The following NEDD4L variants were observed in gnomAD, a reference collection of about 807,000 sequenced individuals.
NEDD4L encodes NEDD4 like E3 ubiquitin protein ligase, also known as E3 ubiquitin-protein ligase NEDD4-like.
A neutral mutation model predicts 148.9 loss-of-function variants in NEDD4L; 54 were observed. The ratio of observed to expected loss-of-function variants is 0.36; its 90% CI spans 0.29 to 0.45. The LOEUF (loss-of-function observed/expected upper bound fraction) is 0.45, where lower values mean the gene tolerates loss of function less well. NEDD4L is among the 20% of genes least tolerant of loss of function. The probability of loss-of-function intolerance (pLI) is 1.00; values close to 1 mark genes in which losing one functional copy is unlikely to be tolerated. For missense variants in NEDD4L, 856 were observed against 1,233.8 expected (o/e 0.69, Z 4.59); for synonymous variants, 433 against 440.7 (o/e 0.98, Z 0.22).
chr18:58,392,424 C>T (rs1385435123), intron 30 of NEDD4L, among the ~76,000 whole-genome samples: 2 of 152,240 alleles, frequency 1.3e-5, no homozygotes, highest in Admixed American at 6.5e-5. Context: ...AACGCCCTCC[C>T]TTACACTAGA....
intron 5 of NEDD4L, among the ~76,000 whole-genome samples, chr18:58,303,030 G>GA (rs1320528886): frequency 1.3e-5 from 2 of 152,234 alleles, no homozygotes; most frequent in Admixed American, 6.5e-5. Context: ...ATGCAAAAGT[G>GA]AAGTAGACAC....
chr18:58,270,903 A>T (rs185074098), intron 5 of NEDD4L, among the ~76,000 whole-genome samples: 51 of 152,070 alleles, frequency 3.4e-4, no homozygotes, highest in African/African-American at 1.2e-3. Flanking sequence ...CTTTTTAATA[A>T]TGTATATGAT....
chr18:58,364,139 C>T lies in NEDD4L; in HGVS notation c.1768-129C>T, dbSNP rs76121988. Reference sequence around the variant, plus strand: ...GCTGTGTAGACATTATCTAATTTTTCCATGGATAATCTGAGAAGTGAGAAT... The same window carrying T: ...GCTGTGTAGACATTATCTAATTTTTTCATGGATAATCTGAGAAGTGAGAAT... On this transcript the variant is annotated intron_variant, in intron 19 of 30. Coordinates refer to ENST00000400345, the MANE Select transcript of NEDD4L (RefSeq NM_001144967.3). 1.8e-3 allele frequency: 1,216 copies of T among 667,020 alleles called. 5 individuals are homozygous for T. Among genetic ancestry groups the T allele is most frequent in the Admixed American group, 3.5e-3 (129 of 36,984 alleles). The allele number at this position is 667,020 out of a possible 1,614,324, so 41.3% of individuals were successfully genotyped here. A position where few individuals can be genotyped will look rare whatever the true frequency, so the allele number is the denominator to read the frequency against.
At chr18:58,335,194 C>CAA (rs1343577135) in intron 12 of NEDD4L, among the ~76,000 whole-genome samples, 3 of 152,162 alleles carry the variant, frequency 2.0e-5, no homozygotes, top group Non-Finnish European at 4.4e-5. Context: ...CAATGGCAGG[C>CAA]AAAACCAGAC....
At chr18:58,307,665 C>T (rs2057224797) in intron 5 of NEDD4L, among the ~76,000 whole-genome samples, 1 of 152,160 alleles carries the variant, frequency 6.6e-6, no homozygotes, top group Non-Finnish European at 1.5e-5. Context: ...TATGAGACAG[C>T]CAGGCAGTGG....
intron 2 of NEDD4L, among the ~76,000 whole-genome samples, chr18:58,216,591 G>A (rs2043177191): frequency 6.6e-6 from 1 of 152,192 alleles, no homozygotes; most frequent in Non-Finnish European, 1.5e-5. Flanking sequence ...TTGACTGGAT[G>A]TGTAAGAGAG....
intron 1 of NEDD4L, among the ~76,000 whole-genome samples, chr18:58,124,612 A>G (rs1319131164): frequency 6.6e-6 from 1 of 152,142 alleles, no homozygotes; most frequent in African/African-American, 2.4e-5. Context: ...TTGAGGACCA[A>G]GATGATTCTC....
intron 27 of NEDD4L, 154 bp from the exon 28 acceptor site, chr18:58,388,931 T>C (rs1210359807): frequency 1.5e-6 from 1 of 659,834 alleles, no homozygotes; most frequent in East Asian, 2.8e-5. Flanking sequence ...AGGTGGAGCC[T>C]GGAACAGGTG....
At chr18:58,354,489 T>C (rs1196202564) in intron 18 of NEDD4L, among the ~76,000 whole-genome samples, 3 of 152,230 alleles carry the variant, frequency 2.0e-5, no homozygotes, top group South Asian at 2.1e-4. Context: ...CTTTCATACA[T>C]TGACCATACT....
intron 2 of NEDD4L, among the ~76,000 whole-genome samples, chr18:58,204,169 A>G (rs1216417341): frequency 6.6e-6 from 1 of 152,300 alleles, no homozygotes; most frequent in East Asian, 1.9e-4. Context: ...CTCTACTAAA[A>G]GTACAAAAAT....
intron 2 of NEDD4L, among the ~76,000 whole-genome samples, chr18:58,199,880 A>G (rs1410144589): frequency 6.6e-6 from 1 of 152,234 alleles, no homozygotes; most frequent in East Asian, 1.9e-4. Context: ...TTAATAATAA[A>G]TCAACCTTGA....
At chr18:58,214,896 C>T (rs1342052323) in intron 2 of NEDD4L, among the ~76,000 whole-genome samples, 1 of 151,048 alleles carries the variant, frequency 6.6e-6, no homozygotes, top group Non-Finnish European at 1.5e-5. Flanking sequence ...ACTGCAACCT[C>T]TGCCTCCCAG....
intron 5 of NEDD4L, among the ~76,000 whole-genome samples, chr18:58,288,495 ATTTTG>A (rs1377768692): frequency 6.6e-6 from 1 of 152,334 alleles, no homozygotes; most frequent in South Asian, 2.1e-4. Context: ...TTATGGGGGA[ATTTTG>A]TTTTGTATAG....
chr18:58,201,689 T>C (rs1245235245), intron 2 of NEDD4L, among the ~76,000 whole-genome samples: 1 of 152,238 alleles, frequency 6.6e-6, no homozygotes, highest in Non-Finnish European at 1.5e-5. Flanking sequence ...TGCCCCCTAA[T>C]AGGTAACTGT....
intron 1 of NEDD4L, among the ~76,000 whole-genome samples, chr18:58,125,669 C>G (rs549946104): frequency 2.0e-5 from 3 of 152,078 alleles, no homozygotes; most frequent in Non-Finnish European, 4.4e-5. Flanking sequence ...ACCGCAAATG[C>G]CAGCCACCTA....
In NEDD4L at chr18:58,377,617, A is replaced by G. The variant is rs975802404; in HGVS notation, c.2352+4348A>G. 5.3e-5 allele frequency among the ~76,000 whole-genome samples: 8 copies of G among 152,164 alleles called. No individual in the cohort carries two copies. In the East Asian group the frequency reaches 1.5e-3, roughly 29 times the overall value. On this transcript the variant is annotated intron_variant, in intron 24 of 30. Coordinates refer to ENST00000400345, the MANE Select transcript of NEDD4L (RefSeq NM_001144967.3). ...GTGCCAAGCAGGAAGAATAAGCCGTACCCCCATTCACTGCTGTGCACACAT... is the reference window on the plus strand; with the variant it reads ...GTGCCAAGCAGGAAGAATAAGCCGTGCCCCCATTCACTGCTGTGCACACAT...
chr18:58,055,264 C>G (rs1350608011), intron 1 of NEDD4L, among the ~76,000 whole-genome samples: 4 of 152,048 alleles, frequency 2.6e-5, no homozygotes, highest in African/African-American at 9.7e-5. Flanking sequence ...CAAGACCAGC[C>G]TGGGCAACAT....
intron 2 of NEDD4L, among the ~76,000 whole-genome samples, chr18:58,208,717 A>G (rs1485233422): frequency 6.6e-6 from 1 of 152,224 alleles, no homozygotes; most frequent in Non-Finnish European, 1.5e-5. Context: ...AGACAAGGTC[A>G]CTTTTTAAAA....
At chr18:58,143,777 C>T (rs958525698) in intron 1 of NEDD4L, among the ~76,000 whole-genome samples, 1 of 152,102 alleles carries the variant, frequency 6.6e-6, no homozygotes, top group Non-Finnish European at 1.5e-5. Flanking sequence ...GTGTGACAGC[C>T]CACAGCTGTC....
Sources: gnomAD v4.1 joint callset for allele counts (sites outside exome capture counted in the v4.1 genomes callset) on GRCh38, gnomAD v4.1.1 for gene constraint, MANE v1.5 for transcripts, NCBI Gene and HGNC (gene_info 2026-07-23, HGNC 2026-07-21) for gene names.